LACTB2: variants seen among roughly 807,000 people sequenced by gnomAD.
LACTB2 encodes the protein lactamase beta 2.
A neutral mutation model predicts 34.8 loss-of-function variants in LACTB2; 32 were observed. That is an observed-to-expected ratio of 0.92 (90% confidence interval 0.69 to 1.24). LACTB2 has a LOEUF of 1.24. Ranked by LOEUF, LACTB2 falls within the 50% of genes most tolerant of loss-of-function variation. The pLI, the probability that LACTB2 is intolerant of heterozygous loss-of-function variation, is 0.00. For missense variants in LACTB2, 320 were observed against 345.0 expected (o/e 0.93, Z 0.57); for synonymous variants, 120 against 117.5 (o/e 1.02, Z -0.14).
intron 1 of LACTB2, among the ~76,000 whole-genome samples, chr8:70,668,748 G>GTTTTTTTTTTTTTTTT (rs990900411): frequency 3.4e-4 from 35 of 103,702 alleles, no homozygotes; most frequent in South Asian, 9.7e-4. Flanking sequence ...CAAAACAGAA[G>GTTTTTTTTTTTTTTTT]TTTTTTTTTT....
At chr8:70,651,320 T>TA (rs1818339491) in intron 3 of LACTB2, among the ~76,000 whole-genome samples, 1 of 152,222 alleles carries the variant, frequency 6.6e-6, no homozygotes, top group African/African-American at 2.4e-5. Flanking sequence ...GGCAAGGTAT[T>TA]AAAGAGCTGT....
At chr8:70,668,773 T>G (rs1236883733) in intron 1 of LACTB2, among the ~76,000 whole-genome samples, 1 of 151,188 alleles carries the variant, frequency 6.6e-6, no homozygotes, top group Non-Finnish European at 1.5e-5. Flanking sequence ...TTTTTTTTTT[T>G]TTCCATTTCT....
At chr8:70,639,739 G>C (rs1021133732) in intron 5 of LACTB2, among the ~76,000 whole-genome samples, 1 of 151,510 alleles carries the variant, frequency 6.6e-6, no homozygotes, top group Non-Finnish European at 1.5e-5. Flanking sequence ...GAGGCGGGTG[G>C]ATCACCTGAG....
At chr8:70,661,101 G>C (rs1416348404) in intron 2 of LACTB2, 2 of 453,884 alleles carry the variant, frequency 4.4e-6, no homozygotes, top group Non-Finnish European at 4.4e-6. Flanking sequence ...TTATTTACCA[G>C]TACCTTCCCT....
intron 3 of LACTB2, among the ~76,000 whole-genome samples, chr8:70,651,158 A>G (rs191642560): frequency 1.4e-4 from 21 of 152,312 alleles, no homozygotes; most frequent in African/African-American, 4.3e-4. Context: ...GTCTAATAAT[A>G]TAATAGATAT....
intron 4 of LACTB2, among the ~76,000 whole-genome samples, chr8:70,643,208 CTTTTTTTTTTTTTTTTT>C (rs66482767): frequency 1.8e-4 from 14 of 76,220 alleles, no homozygotes; most frequent in African/African-American, 6.3e-4. Context: ...GTGTATTTTC[CTTTTTTTTTTTTTTTTT>C]TTTTTTTTTT....
intron 2 of LACTB2, chr8:70,660,212 C>T (rs1219450985): frequency 1.0e-5 from 2 of 191,394 alleles, no homozygotes; most frequent in Non-Finnish European, 2.2e-5. Flanking sequence ...CCTCAGTCTC[C>T]TGAGTGGATG....
At chr8:70,643,411 C>A (rs1399242120) in intron 4 of LACTB2, among the ~76,000 whole-genome samples, 2 of 151,696 alleles carry the variant, frequency 1.3e-5, no homozygotes, top group East Asian at 1.9e-4. Flanking sequence ...TTAGTAGAGA[C>A]AGGGTTTCAC....
At chr8:70,667,868 T>C (rs1340694371) in intron 1 of LACTB2, among the ~76,000 whole-genome samples, 5 of 152,320 alleles carry the variant, frequency 3.3e-5, no homozygotes, top group East Asian at 3.9e-4. Context: ...GTCTGAGGTA[T>C]TGACTAGTTC....
chr8:70,661,546 T>C, intron 2 of LACTB2, 188 bp downstream of exon 2: 1 of 500,184 alleles, frequency 2.0e-6, no homozygotes, highest in Non-Finnish European at 3.5e-6. Flanking sequence ...GAAACAGAAA[T>C]CAGGATTTCC....
chr8:70,667,458 T>C (rs566245839), intron 1 of LACTB2, among the ~76,000 whole-genome samples: 2 of 152,332 alleles, frequency 1.3e-5, no homozygotes, highest in African/African-American at 2.4e-5. Context: ...CTATACGGAC[T>C]CTCTAGTTCA....
Position 70,661,793 on chromosome 8 carries a change from G to C in LACTB2, c.227C>G (p.Thr76Ser). 1 of 1,613,576 alleles carries C rather than the reference G, an allele frequency of 6.2e-7. No homozygotes were observed. The highest frequency in any genetic ancestry group is 1.3e-5 in the African/African-American group (1 of 74,968). Residue 76 changes from threonine (T) to serine (S), a missense_variant, in exon 2 of 7, where the codon ACT becomes AGT. Physicochemically the swap from Thr to Ser is moderately conservative, Grantham distance 58. Transcript: ENST00000276590. Reference protein sequence around the residue: ...FNTAIQEIVVTHWHRDHSGGI... With the variant: ...FNTAIQEIVVSHWHRDHSGGI... ...TCCAGAATGATCTCGGTGCCAGTGAGTCACTACAATTTCCTGGATTGCTGT... is the reference window on the plus strand; with the variant it reads ...TCCAGAATGATCTCGGTGCCAGTGACTCACTACAATTTCCTGGATTGCTGT...
chr8:70,644,327 C>G, intron 3 of LACTB2, 84 bp from the exon 4 acceptor site: 2 of 933,296 alleles, frequency 2.1e-6, no homozygotes, highest in South Asian at 5.8e-5. Flanking sequence ...ATTCTGTATC[C>G]TTATCTTTAG....
At chr8:70,644,957 TA>T (rs1182630424) in intron 3 of LACTB2, among the ~76,000 whole-genome samples, 1 of 152,144 alleles carries the variant, frequency 6.6e-6, no homozygotes, top group Admixed American at 6.5e-5. Flanking sequence ...TTATATATTT[TA>T]AAAACAAAAC....
intron 5 of LACTB2, 40 bp from the exon 6 acceptor site, chr8:70,638,669 T>TA (rs376185421): frequency 0.077 from 103,529 of 1,338,626 alleles, 4,214 homozygotes; most frequent in Middle Eastern, 0.088. Flanking sequence ...CCTTTTTTTT[T>TA]AAAAAAAAGA....
rs190543735 is a variant in LACTB2 at position 70,659,981 on chromosome 8, G to T, written c.286+1753C>A. Among the ~76,000 whole-genome samples, 37 of 152,234 alleles carry T rather than the reference G, an allele frequency of 2.4e-4. 1 individual carries two copies. The highest frequency in any genetic ancestry group is 8.7e-4 in the African/African-American group (36 of 41,542). On this transcript the variant is annotated intron_variant, in intron 2 of 6. Coordinates refer to ENST00000276590, the MANE Select transcript of LACTB2 (RefSeq NM_016027.3). ...CTTAAAATGGGCACATTTTATGTAT[G>T]TAAATTAAAGCTCAATAAAATTGAT...
chr8:70,637,917 A>G lies in LACTB2; in HGVS notation c.824-14T>C. 6.7e-7 allele frequency: 1 copy of G among 1,491,968 alleles called. No individual in the cohort carries two copies. Among genetic ancestry groups the G allele is most frequent in the Non-Finnish European group, 9.1e-7 (1 of 1,104,596 alleles). The allele number at this position is 1,491,968 out of a possible 1,614,324, so 92.4% of individuals were successfully genotyped here. ...CTGTGTTGCTAACTGTAAAAAGAAAATCAGAGAGTAAAAATTTAACAATAG... is the reference window on the plus strand; with the variant it reads ...CTGTGTTGCTAACTGTAAAAAGAAAGTCAGAGAGTAAAAATTTAACAATAG... On this transcript the variant is annotated splice_polypyrimidine_tract_variant and intron_variant, in intron 6 of 6. Coordinates refer to ENST00000276590, the MANE Select transcript of LACTB2 (RefSeq NM_016027.3).
rs533199792 is a variant in LACTB2 at position 70,645,553 on chromosome 8, G to A, written c.414-1310C>T. ...GTACATGTGCACAACGTGCAGGTTA[G>A]TTACGTATGTATACATGCGCCATGT... On this transcript the variant is annotated intron_variant, in intron 3 of 6. Coordinates refer to ENST00000276590, the MANE Select transcript of LACTB2 (RefSeq NM_016027.3). 8.6e-5 allele frequency among the ~76,000 whole-genome samples: 13 copies of A among 151,644 alleles called. No homozygotes were observed. The South Asian group carries it at 2.7e-3, about 32-fold the overall frequency.
At chr8:70,648,515 T>C (rs1184394456) in intron 3 of LACTB2, among the ~76,000 whole-genome samples, 2 of 151,794 alleles carry the variant, frequency 1.3e-5, no homozygotes, top group Non-Finnish European at 2.9e-5. Context: ...GATTAGGCGA[T>C]AAAGTTAATA....
Sources: allele counts gnomAD v4.1 joint callset (sites outside exome capture counted in the v4.1 genomes callset), GRCh38; gene constraint gnomAD v4.1.1; transcripts MANE v1.5; gene names NCBI Gene and HGNC (gene_info 2026-07-23, HGNC 2026-07-21).